The following PHACTR2 variants were observed in gnomAD, a reference collection of about 807,000 sequenced individuals.
PHACTR2 encodes the protein phosphatase and actin regulator 2.
In PHACTR2, 30 loss-of-function variants were observed where a neutral mutation model predicts 76.0. That is an observed-to-expected ratio of 0.39 (90% CI 0.30 to 0.54). The LOEUF (loss-of-function observed/expected upper bound fraction) is 0.54. PHACTR2 is among the 20% of genes least tolerant of loss of function. The probability of loss-of-function intolerance (pLI) is 0.61; values close to 1 mark genes in which losing one functional copy is unlikely to be tolerated. For synonymous variants in PHACTR2, 292 were observed against 292.5 expected (o/e 1.00, Z 0.02); for missense variants, 696 against 781.1 (o/e 0.89, Z 1.30).
chr6:143,651,878 A>T (rs1776769684), intron 1 of PHACTR2, among the ~76,000 whole-genome samples: 1 of 150,964 alleles, frequency 6.6e-6, no homozygotes, highest in Non-Finnish European at 1.5e-5. Flanking sequence ...TATATATATA[A>T]AAGAAAATGT....
Position 143,700,680 on chromosome 6 carries a change from T to C in PHACTR2, c.47-11336T>C, listed in dbSNP as rs79617402. Among the ~76,000 whole-genome samples, 822 of 152,386 alleles carry C rather than the reference T, an allele frequency of 5.4e-3. 9 individuals carry two copies. Among genetic ancestry groups the C allele is most frequent in the African/African-American group, 0.019 (771 of 41,594 alleles). ...TCTGTGCTGACGCACATTCCCAGCA[T>C]GAACAGGGTGATCATTATCCTATCA... On this transcript the variant is annotated intron_variant, in intron 1 of 12. Coordinates refer to ENST00000440869, the MANE Select transcript of PHACTR2 (RefSeq NM_001100164.2). The surrounding 1 kb of genome is among the most constrained non-coding windows in gnomAD (Gnocchi z 4.1).
chr6:143,730,678 A>C lies in PHACTR2; in HGVS notation c.215-18307A>C, dbSNP rs888712685. Among the ~76,000 whole-genome samples the C allele has an allele frequency of 2.0e-5, 3 of 152,126 alleles. No homozygotes were observed. The highest frequency in any genetic ancestry group is 7.2e-5 in the African/African-American group (3 of 41,424). On this transcript the variant is annotated intron_variant, in intron 2 of 12. Transcript: ENST00000440869. The surrounding 1 kb of genome is among the most constrained non-coding windows in gnomAD (Gnocchi z 4.8). The stretch of plus-strand genomic sequence containing the variant: ...ATAGTAAACAGCAGTGTTGAAGGAG[A>C]TATCCATGCTTTGTTCCTATTCTTA...
intron 1 of PHACTR2, among the ~76,000 whole-genome samples, chr6:143,600,922 T>C (rs1775808779): frequency 6.6e-6 from 1 of 152,214 alleles, no homozygotes; most frequent in African/African-American, 2.4e-5. Flanking sequence ...CCATTCCTGG[T>C]AAATATTGTA....
intron 6 of PHACTR2, among the ~76,000 whole-genome samples, chr6:143,771,156 A>ATATATG (rs1187035666): frequency 2.5e-5 from 1 of 40,148 alleles, no homozygotes; most frequent in African/African-American, 1.2e-4. Context: ...ATATATATAT[A>ATATATG]TGTATATATA....
At position 143,830,062 on chromosome 6, in the gene PHACTR2, A is replaced by G. The variant is rs1442656675; in HGVS notation, c.*6373A>G. ...TTATGTTGTTTAGAGAGCCTCCACA[A>G]TGAGAAGTTGCCACTGCAGGGCTAA... On this transcript the variant is annotated 3_prime_UTR_variant, in exon 13 of 13. Coordinates refer to ENST00000440869, the MANE Select transcript of PHACTR2 (RefSeq NM_001100164.2). 6.6e-6 allele frequency: 1 copy of G among 152,226 alleles called. No individual in the cohort carries two copies. Among genetic ancestry groups the G allele is most frequent in the African/African-American group, 2.4e-5 (1 of 41,448 alleles). The allele number at this position is 152,226 out of a possible 1,614,324, so 9.4% of individuals were successfully genotyped here.
intron 1 of PHACTR2, among the ~76,000 whole-genome samples, chr6:143,594,388 C>A (rs192212749): frequency 6.6e-6 from 1 of 152,302 alleles, no homozygotes; most frequent in East Asian, 1.9e-4. Context: ...ACTGTTGAGT[C>A]CCTACTGCTC....
intron 6 of PHACTR2, among the ~76,000 whole-genome samples, chr6:143,768,035 ACCATATAGG>A (rs995586225): frequency 3.3e-5 from 5 of 150,394 alleles, no homozygotes; most frequent in African/African-American, 1.2e-4. Flanking sequence ...ATGGGGTTTC[ACCATATAGG>A]CCAAGCTGGT....
chr6:143,557,027 C>T lies in PHACTR2; in HGVS notation c.217+19820C>T, dbSNP rs1775184965. Among the ~76,000 whole-genome samples, 1 of 152,130 alleles carries T rather than the reference C, an allele frequency of 6.6e-6. No individual in the cohort carries two copies. The highest frequency in any genetic ancestry group is 2.1e-4 in the South Asian group (1 of 4,828). On this transcript the variant is annotated intron_variant, in intron 1 of 11. Coordinates refer to the PHACTR2 transcript ENST00000367584. This position sits in a 1 kb window ranked among gnomAD's most constrained non-coding sequence, Gnocchi z 5.5. The stretch of plus-strand genomic sequence containing the variant: ...TAACCCCAGCCTCAGTTAGAGAGGG[C>T]CACAGGAGCTCGCCTACCATCTCTC...
chr6:143,701,733 AT>A (rs1188804391), intron 1 of PHACTR2, among the ~76,000 whole-genome samples: 16 of 152,208 alleles, frequency 1.1e-4, no homozygotes, highest in African/African-American at 3.9e-4. Context: ...GGGAATACTA[AT>A]AGCAACTACT....
Position 143,589,075 on chromosome 6 carries a change from C to G in PHACTR2, c.217+51868C>G, listed in dbSNP as rs1775660247. 6.6e-6 allele frequency among the ~76,000 whole-genome samples: 1 copy of G among 152,166 alleles called. No homozygotes were observed. The highest frequency in any genetic ancestry group is 2.1e-4 in the South Asian group (1 of 4,836). On this transcript the variant is annotated intron_variant, in intron 1 of 11. Coordinates refer to the PHACTR2 transcript ENST00000367584. This position sits in a 1 kb window ranked among gnomAD's most constrained non-coding sequence, Gnocchi z 4.4. ...GCCACAGATTGGGTGGCTTAAATAACAGAAATTTATTTTCTCACAGCTCTG... is the reference window on the plus strand; with the variant it reads ...GCCACAGATTGGGTGGCTTAAATAAGAGAAATTTATTTTCTCACAGCTCTG...
chr6:143,678,319 C>A lies in PHACTR2; in HGVS notation c.46+110C>A. The A allele has an allele frequency of 9.7e-7, 1 of 1,034,674 alleles. No individual in the cohort carries two copies. Among genetic ancestry groups the A allele is most frequent in the Non-Finnish European group, 1.3e-6 (1 of 764,810 alleles). The allele number at this position is 1,034,674 out of a possible 1,614,324, so 64.1% of individuals were successfully genotyped here. A position where few individuals can be genotyped will look rare whatever the true frequency, so the allele number is the denominator to read the frequency against. The stretch of plus-strand genomic sequence containing the variant: ...CTGGTCGGGTTCCGCTCGGACCCGC[C>A]AAGTCCCTCGGAGAAACCCCAGAGG... On this transcript the variant is annotated intron_variant, in intron 1 of 12. Transcript: ENST00000440869. The surrounding 1 kb of genome is among the most constrained non-coding windows in gnomAD (Gnocchi z 6.2).
rs188788947 is a variant in PHACTR2 at position 143,697,712 on chromosome 6, T to C, written c.47-14304T>C. On this transcript the variant is annotated intron_variant, in intron 1 of 12. Transcript: ENST00000440869. This position sits in a 1 kb window ranked among gnomAD's most constrained non-coding sequence, Gnocchi z 4.4. ...GAAGGCACTGTTGGAAACAATTTCC[T>C]CTGTGAAAAATCTAAAGACCTGCTA... 5.6e-4 allele frequency among the ~76,000 whole-genome samples: 85 copies of C among 152,374 alleles called. No individual in the cohort carries two copies. Among genetic ancestry groups the C allele is most frequent in the Non-Finnish European group, 9.3e-4 (63 of 68,024 alleles).
rs974273005 is a variant in PHACTR2, at chr6:143,658,870, C to T, written c.13+50548C>T. 6.6e-6 allele frequency among the ~76,000 whole-genome samples: 1 copy of T among 151,908 alleles called. No homozygotes were observed. The highest frequency in any genetic ancestry group is 1.5e-5 in the Non-Finnish European group (1 of 67,966). On this transcript the variant is annotated intron_variant, in intron 1 of 11. Transcript: ENST00000305766. This position sits in a 1 kb window ranked among gnomAD's most constrained non-coding sequence, Gnocchi z 4.1. ...TGAAACCTCATCTCTACTAAAAATACAAAACTTAGCCGGTCAGGGTGGCAT... is the reference window on the plus strand; with the variant it reads ...TGAAACCTCATCTCTACTAAAAATATAAAACTTAGCCGGTCAGGGTGGCAT...
In PHACTR2 at chr6:143,830,338, T is replaced by G. The variant is rs533673578; in HGVS notation, c.*6649T>G. 3 of 152,092 alleles carry G rather than the reference T, an allele frequency of 2.0e-5. No individual in the cohort carries two copies. In the South Asian group the frequency reaches 6.2e-4, roughly 32 times the overall value. The allele number at this position is 152,092 out of a possible 1,614,324, so 9.4% of individuals were successfully genotyped here. On this transcript the variant is annotated 3_prime_UTR_variant, in exon 13 of 13. Coordinates refer to ENST00000440869, the MANE Select transcript of PHACTR2 (RefSeq NM_001100164.2). ...TTTTTAAATAACGGACTATATGCAT[T>G]CTTTTGTTATTTCACACTTCAGTTA...
In PHACTR2 at chr6:143,646,563, C is replaced by T. The variant is rs995229454; in HGVS notation, c.13+38241C>T. Among the ~76,000 whole-genome samples, 1 of 152,090 alleles carries T rather than the reference C, an allele frequency of 6.6e-6. No individual in the cohort carries two copies. The highest frequency in any genetic ancestry group is 1.5e-5 in the Non-Finnish European group (1 of 68,012). On this transcript the variant is annotated intron_variant, in intron 1 of 11. Transcript: ENST00000305766. This position sits in a 1 kb window ranked among gnomAD's most constrained non-coding sequence, Gnocchi z 4.1. ...ACTGAAAAAAAGGTGCTCCATTTTG[C>T]ATGATTTATTATTGAACTAGAGTTC...
At position 143,633,747 on chromosome 6, in the gene PHACTR2, G is replaced by A. The variant is rs747017986; in HGVS notation, c.13+25425G>A. ...GAAGGTCACCTAGATTTTCTCCTAC[G>A]TTATCTTCTGGGAATTCTGTAGTTT... is the stretch of plus-strand genomic sequence containing the variant. On this transcript the variant is annotated intron_variant, in intron 1 of 11. Transcript: ENST00000305766. The surrounding 1 kb of genome is among the most constrained non-coding windows in gnomAD (Gnocchi z 4.1). Among the ~76,000 whole-genome samples, 9 of 152,012 alleles carry A rather than the reference G, an allele frequency of 5.9e-5. No homozygotes were observed. The highest frequency in any genetic ancestry group is 1.2e-4 in the Non-Finnish European group (8 of 68,016).
intron 6 of PHACTR2, among the ~76,000 whole-genome samples, chr6:143,768,616 T>G (rs1368662799): frequency 6.6e-6 from 1 of 152,256 alleles, no homozygotes; most frequent in Non-Finnish European, 1.5e-5. Flanking sequence ...TTCATTTTAT[T>G]GTGCTAAACA....
chr6:143,783,176 T>C lies in PHACTR2; in HGVS notation c.1646-43T>C, dbSNP rs1302866204. On this transcript the variant is annotated intron_variant, in intron 9 of 12. Transcript: ENST00000440869. The surrounding 1 kb of genome is among the most constrained non-coding windows in gnomAD (Gnocchi z 5.2). ...ATACACTTTTCTGAATATGAAATCA[T>C]CTATAGTAACTGTCATCACGACTTT... The C allele has an allele frequency of 8.3e-7, 1 of 1,211,850 alleles. No individual in the cohort carries two copies. The highest frequency in any genetic ancestry group is 1.2e-5 in the South Asian group (1 of 80,454). 75.1% of individuals were successfully genotyped at this position (1,211,850 alleles called of 1,614,324 possible). A position where few individuals can be genotyped will look rare whatever the true frequency, so the allele number is the denominator to read the frequency against.
intron 1 of PHACTR2, among the ~76,000 whole-genome samples, chr6:143,551,213 T>G (rs915547176): frequency 9.3e-5 from 14 of 150,298 alleles, no homozygotes; most frequent in African/African-American, 3.1e-4. Context: ...AGACACCTAG[T>G]AGATGCCCGA....
Sources: gnomAD v4.1 joint callset for allele counts (sites outside exome capture counted in the v4.1 genomes callset) on GRCh38, gnomAD v4.1.1 for gene constraint, Gnocchi (gnomAD v3.1) non-coding constraint, MANE v1.5 for transcripts, NCBI Gene and HGNC (gene_info 2026-07-23, HGNC 2026-07-21) for gene names.